Variants in ECD observed in about 807,000 individuals in gnomAD.
ECD encodes ecdysoneless cell cycle regulator.
In ECD, 59 loss-of-function variants were observed where a neutral mutation model predicts 77.2. The observed-to-expected ratio is 0.76, with a 90% CI of 0.62 to 0.95. The LOEUF (loss-of-function observed/expected upper bound fraction) is 0.95. ECD is among the 40% of genes least tolerant of loss of function. ECD has a pLI of 0.00. For missense variants in ECD, 704 were observed against 763.4 expected (o/e 0.92, Z 0.92); for synonymous variants, 233 against 267.4 (o/e 0.87, Z 1.26).
At chr10:73,165,035 T>C (rs1843434027) in intron 1 of ECD, among the ~76,000 whole-genome samples, 2 of 152,242 alleles carry the variant, frequency 1.3e-5, no homozygotes, top group Non-Finnish European at 2.9e-5. Flanking sequence ...AAAACCCCAG[T>C]TCTGCCACTA....
chr10:73,154,451 G>C lies in ECD; in HGVS notation c.591-3C>G. ...AGGCCTGAATTTTTTCTGGGTACCT[G>C]GGACAGGTAACATAATTACTTTCAT... is the stretch of plus-strand genomic sequence containing the variant. On this transcript the variant is annotated splice_region_variant and splice_polypyrimidine_tract_variant and intron_variant, in intron 5 of 13. Transcript: ENST00000372979. 1 of 1,602,388 alleles carries C rather than the reference G, an allele frequency of 6.2e-7. No individual in the cohort carries two copies. Among genetic ancestry groups the C allele is most frequent in the Non-Finnish European group, 8.5e-7 (1 of 1,176,436 alleles).
At chr10:73,151,825 T>C (rs970931441) in intron 7 of ECD, among the ~76,000 whole-genome samples, 2 of 152,202 alleles carry the variant, frequency 1.3e-5, no homozygotes, top group African/African-American at 4.8e-5. Context: ...TTCATTTAGA[T>C]TGCAAATATA....
At chr10:73,155,824 G>C (rs558707322) in intron 5 of ECD, among the ~76,000 whole-genome samples, 22 of 151,760 alleles carry the variant, frequency 1.4e-4, no homozygotes, top group Non-Finnish European at 3.1e-4. Context: ...GGCTGGTCTT[G>C]AACTCCTGAC....
intron 9 of ECD, among the ~76,000 whole-genome samples, chr10:73,143,509 C>T (rs563716917): frequency 1.5e-4 from 23 of 152,252 alleles, no homozygotes; most frequent in Non-Finnish European, 2.6e-4. Flanking sequence ...TGTGTAACAT[C>T]CACACGGTAT....
chr10:73,146,364 T>TAAA lies in ECD; in HGVS notation c.1042-6_1042-4dup. 33 of 1,352,598 alleles carry TAAA rather than the reference T, an allele frequency of 2.4e-5. No individual in the cohort carries two copies. The highest frequency in any genetic ancestry group is 8.0e-5 in the South Asian group (6 of 74,750). The allele number at this position is 1,352,598 out of a possible 1,614,324, so 83.8% of individuals were successfully genotyped here. A position where few individuals can be genotyped will look rare whatever the true frequency, so the allele number is the denominator to read the frequency against. ...TGAGCAGAACCTTCTATCAGTCCCT[T>TAAA]AAAAAAAAAAAAAGGTCTATCAGAA... On this transcript the variant is annotated splice_polypyrimidine_tract_variant and splice_region_variant and intron_variant, in intron 8 of 13. Coordinates refer to ENST00000372979, the MANE Select transcript of ECD (RefSeq NM_007265.3).
Position 73,136,566 on chromosome 10 carries a change from C to T in ECD, c.1704+138G>A, listed in dbSNP as rs1842975712. On this transcript the variant is annotated intron_variant, in intron 13 of 13. Coordinates refer to ENST00000372979, the MANE Select transcript of ECD (RefSeq NM_007265.3). ...ATTAAGTCTATGATCCTTTATCCTA[C>T]CAGAGTTAGGAAAACAATTAACATT... The T allele has an allele frequency of 1.3e-5, 10 of 760,960 alleles. No homozygotes were observed. In the East Asian group the frequency reaches 2.7e-4, roughly 21 times the overall value. The allele number at this position is 760,960 out of a possible 1,614,324, so 47.1% of individuals were successfully genotyped here.
Position 73,156,313 on chromosome 10 carries a change from T to C in ECD, c.552A>G (p.Ser184=), listed in dbSNP as rs1457143191. 1 of 1,611,292 alleles carries C rather than the reference T, an allele frequency of 6.2e-7. No homozygotes were observed. The highest frequency in any genetic ancestry group is 2.2e-5 in the East Asian group (1 of 44,872). Residue 184 remains serine (S), a synonymous_variant, in exon 5 of 14, where the codon TCA becomes TCG. Coordinates refer to ENST00000372979, the MANE Select transcript of ECD (RefSeq NM_007265.3). Reference sequence around the variant, plus strand: ...TATTCACAGCAGCTCGTATAGATTCTGAAGCAAGTATTTTTTCTGAATGTG... The same window carrying C: ...TATTCACAGCAGCTCGTATAGATTCCGAAGCAAGTATTTTTTCTGAATGTG... ...ITAHSEKILA[S]ESIRAAVNRR...
At chr10:73,166,582 T>A (rs1843469447) in intron 1 of ECD, among the ~76,000 whole-genome samples, 1 of 152,252 alleles carries the variant, frequency 6.6e-6, no homozygotes, top group Non-Finnish European at 1.5e-5. Flanking sequence ...GAGCACCTTT[T>A]CATAAACCTG....
At chr10:73,144,129 A>G (rs1357870035) in intron 9 of ECD, among the ~76,000 whole-genome samples, 1 of 152,202 alleles carries the variant, frequency 6.6e-6, no homozygotes, top group East Asian at 1.9e-4. Context: ...CCTAAATCAG[A>G]TATATGTAAA....
Position 73,134,793 on chromosome 10 carries a change from G to C in ECD, c.1725C>G (p.Thr575=). The C allele has an allele frequency of 6.2e-7, 1 of 1,614,082 alleles. No homozygotes were observed. The highest frequency in any genetic ancestry group is 8.5e-7 in the Non-Finnish European group (1 of 1,179,996). ...RNQVEPVSQT[T]DNNSDEEDSG... ...AATCTTCCTCATCTGAATTGTTATCGGTAGTCTGGGATACAGGTTCCTTAT... is the reference window on the plus strand; with the variant it reads ...AATCTTCCTCATCTGAATTGTTATCCGTAGTCTGGGATACAGGTTCCTTAT... Residue 575 remains threonine (T), a synonymous_variant, in exon 14 of 14, where the codon ACC becomes ACG. Coordinates refer to ENST00000372979, the MANE Select transcript of ECD (RefSeq NM_007265.3).
chr10:73,152,391 A>G lies in ECD; in HGVS notation c.814T>C (p.Leu272=), dbSNP rs186239742. 4.3e-6 allele frequency: 7 copies of G among 1,613,814 alleles called. No individual in the cohort carries two copies. Among genetic ancestry groups the G allele is most frequent in the African/African-American group, 1.3e-5 (1 of 75,050 alleles). Residue 272 remains leucine, a synonymous_variant, in exon 7 of 14, where the codon TTG becomes CTG. Transcript: ENST00000372979. ...TCTGGCACAAACCTTTGTTGCACCA[A>G]TTGTGCATATAGACATTTAGTGAAT... ...VTFTKCLYAQ[L]VQQRFVPDRR...
At chr10:73,146,228 A>G (rs1263759999) in intron 9 of ECD, 48 bp downstream of exon 9, 3 of 902,090 alleles carry the variant, frequency 3.3e-6, no homozygotes, top group Admixed American at 6.0e-5. Flanking sequence ...AATAAAAAGA[A>G]CTACCTAAAT....
intron 7 of ECD, among the ~76,000 whole-genome samples, chr10:73,151,529 TAAA>T (rs61450651): frequency 2.2e-5 from 3 of 136,788 alleles, no homozygotes. Context: ...AGCATAATAA[TAAA>T]AAAAAAAAGA....
At chr10:73,164,331 G>A (rs1327516348) in intron 1 of ECD, among the ~76,000 whole-genome samples, 1 of 149,260 alleles carries the variant, frequency 6.7e-6, no homozygotes, top group Non-Finnish European at 1.5e-5. Flanking sequence ...CAGCTTGGGT[G>A]ACAGAGCAAG....
chr10:73,144,413 C>T (rs770296899), intron 9 of ECD, among the ~76,000 whole-genome samples: 1 of 151,840 alleles, frequency 6.6e-6, no homozygotes, highest in Non-Finnish European at 1.5e-5. Context: ...TCTCTTAAAC[C>T]CAGGAGGTCA....
chr10:73,145,879 G>A (rs1298319838), intron 9 of ECD, among the ~76,000 whole-genome samples: 4 of 151,992 alleles, frequency 2.6e-5, no homozygotes, highest in South Asian at 2.1e-4. Flanking sequence ...TTTTGACCTC[G>A]TGATCCGCCT....
intron 7 of ECD, among the ~76,000 whole-genome samples, chr10:73,150,663 T>G (rs1030923212): frequency 6.6e-6 from 1 of 151,960 alleles, no homozygotes; most frequent in African/African-American, 2.4e-5. Context: ...ACAAAGAACT[T>G]AAACAAATTT....
intron 11 of ECD, 87 bp from the exon 12 acceptor site, chr10:73,138,157 C>A: frequency 1.0e-6 from 1 of 987,378 alleles, no homozygotes; most frequent in South Asian, 3.2e-5. Context: ...CTTAGGAAAG[C>A]TACCAAAGAT....
chr10:73,141,211 G>A (rs973466334), intron 9 of ECD, among the ~76,000 whole-genome samples: 1 of 151,442 alleles, frequency 6.6e-6, no homozygotes, highest in Non-Finnish European at 1.5e-5. Flanking sequence ...CGACAAGAGC[G>A]AGACTCCGTT....
Sources: gnomAD v4.1 joint callset for allele counts (sites outside exome capture counted in the v4.1 genomes callset) on GRCh38, gnomAD v4.1.1 for gene constraint, MANE v1.5 for transcripts, NCBI Gene and HGNC (gene_info 2026-07-23, HGNC 2026-07-21) for gene names.